Variants in MYOM2 observed in about 807,000 individuals in gnomAD.
MYOM2 encodes myomesin-2.
MYOM2 carries 254 observed loss-of-function variants against 187.6 expected under a neutral mutation model. The ratio of observed to expected loss-of-function variants is 1.35; its 90% CI spans 1.22 to 1.50. MYOM2 has a LOEUF of 1.50. Among genes scored for constraint, MYOM2 ranks in the 40% most tolerant of loss-of-function variants. The pLI, the probability that MYOM2 is intolerant of heterozygous loss-of-function variation, is 0.00. For missense variants in MYOM2, 2,796 were observed against 1,924.0 expected (o/e 1.45, Z -8.48); for synonymous variants, 981 against 753.8 (o/e 1.30, Z -4.94).
chr8:2,049,586 C>G (rs1455693458), intron 1 of MYOM2, among the ~76,000 whole-genome samples: 1 of 152,166 alleles, frequency 6.6e-6, no homozygotes, highest in Non-Finnish European at 1.5e-5. Context: ...GGGTGGCACC[C>G]CTGGGGCTGT....
In MYOM2 at chr8:2,141,125, A is replaced by C. The variant is rs201391453; in HGVS notation, c.3965-16A>C. ...ACACTGAAATGGTTAGTAACGTATG[A>C]ACTATTTCCTCACAGCTTTTGATGA... On this transcript the variant is annotated splice_polypyrimidine_tract_variant and intron_variant, in intron 33 of 36. Coordinates refer to ENST00000262113, the MANE Select transcript of MYOM2 (RefSeq NM_003970.4). The C allele has an allele frequency of 3.8e-4, 608 of 1,610,640 alleles. No individual in the cohort carries two copies. Among genetic ancestry groups the C allele is most frequent in the Non-Finnish European group, 4.4e-4 (516 of 1,177,478 alleles).
At chr8:2,091,016 C>CTTT (rs35873643) in intron 15 of MYOM2, among the ~76,000 whole-genome samples, 33,705 of 86,436 alleles carry the variant, frequency 0.39, 6,955 homozygotes, top group Non-Finnish European at 0.48. Context: ...AATGATAGTT[C>CTTT]TTTTTTTTTT....
At position 2,123,620 on chromosome 8, in the gene MYOM2, C is replaced by A; in HGVS notation, c.3633C>A (p.Ser1211=). 6.2e-7 allele frequency: 1 copy of A among 1,614,122 alleles called. No individual in the cohort carries two copies. Among genetic ancestry groups the A allele is most frequent in the Non-Finnish European group, 8.5e-7 (1 of 1,179,988 alleles). ...AAGATGACAGAGGCCAAGATGTGTC[C>A]ATCCTTGAAATAGCTGGCAAAGGTA... ...TLKDDRGQDV[S]ILEIAGKVYD... The change falls in exon 30 of 37, where the codon TCC becomes TCA. Residue 1211 remains serine, a synonymous_variant. Coordinates refer to ENST00000262113, the MANE Select transcript of MYOM2 (RefSeq NM_003970.4).
chr8:2,104,470 T>C lies in MYOM2; in HGVS notation c.2734+1689T>C, dbSNP rs534919613. 4.6e-5 allele frequency among the ~76,000 whole-genome samples: 7 copies of C among 151,828 alleles called. No individual in the cohort carries two copies. In the East Asian group the frequency reaches 1.4e-3, roughly 30 times the overall value. ...TACAAAAAGAATTAGCTGGGCATGG[T>C]GTTGGGCGCCTGTAGTCCCAGCTAC... On this transcript the variant is annotated intron_variant, in intron 21 of 36. Coordinates refer to ENST00000262113, the MANE Select transcript of MYOM2 (RefSeq NM_003970.4).
intron 16 of MYOM2, among the ~76,000 whole-genome samples, chr8:2,093,002 G>C (rs893876): frequency 6.6e-6 from 1 of 151,888 alleles, no homozygotes; most frequent in African/African-American, 2.4e-5. Flanking sequence ...GCTTTGCAGG[G>C]GAAAGCCAGT....
At chr8:2,133,132 C>G (rs957137624) in intron 32 of MYOM2, among the ~76,000 whole-genome samples, 2 of 149,868 alleles carry the variant, frequency 1.3e-5, no homozygotes, top group Admixed American at 6.6e-5. Flanking sequence ...TGCATGTGTT[C>G]TGATGTTCAC....
chr8:2,124,602 C>A (rs1243321321), intron 31 of MYOM2, among the ~76,000 whole-genome samples: 1 of 152,218 alleles, frequency 6.6e-6, no homozygotes, highest in Non-Finnish European at 1.5e-5. Context: ...CATATGTTAT[C>A]TTTACAAATA....
intron 28 of MYOM2, among the ~76,000 whole-genome samples, chr8:2,120,674 A>ATATATG (rs1231698093): frequency 9.1e-4 from 29 of 31,906 alleles, no homozygotes; most frequent in Admixed American, 2.7e-3. Flanking sequence ...ATATATATAT[A>ATATATG]TTATATTATA....
At chr8:2,047,607 G>A (rs1490451021) in intron 1 of MYOM2, among the ~76,000 whole-genome samples, 1 of 152,204 alleles carries the variant, frequency 6.6e-6, no homozygotes, top group Admixed American at 6.5e-5. Flanking sequence ...GGAATCAACT[G>A]AGGCTGATGG....
chr8:2,132,268 A>G (rs535806859), intron 32 of MYOM2, among the ~76,000 whole-genome samples: 14 of 152,280 alleles, frequency 9.2e-5, no homozygotes, highest in Middle Eastern at 3.4e-3. Flanking sequence ...CATGGAATCA[A>G]TAGAGTGCTA....
chr8:2,063,671 A>C (rs1818920931), intron 6 of MYOM2, among the ~76,000 whole-genome samples: 1 of 152,182 alleles, frequency 6.6e-6, no homozygotes, highest in South Asian at 2.1e-4. Flanking sequence ...TTAAATTATA[A>C]ATCCAGCGTC....
intron 13 of MYOM2, 118 bp downstream of exon 13, chr8:2,079,731 T>C: frequency 2.7e-6 from 3 of 1,119,456 alleles, no homozygotes; most frequent in South Asian, 1.2e-5. Flanking sequence ...CATGGAAAAA[T>C]GAAAACCGCA....
chr8:2,088,764 T>C lies in MYOM2; in HGVS notation c.1645-1244T>C, dbSNP rs1796184547. ...CTTCTGGTAGAATGGTTTATTTTCC[T>C]TTGGGCATATACCCAGTAATGGGAT... On this transcript the variant is annotated intron_variant, in intron 14 of 36. Transcript: ENST00000262113. Among the ~76,000 whole-genome samples, 2 of 152,250 alleles carry C rather than the reference T, an allele frequency of 1.3e-5. 1 individual carries two copies. Among genetic ancestry groups the C allele is most frequent in the South Asian group, 4.1e-4 (2 of 4,836 alleles).
chr8:2,113,038 A>C (rs190167288), intron 25 of MYOM2, among the ~76,000 whole-genome samples: 1 of 152,216 alleles, frequency 6.6e-6, no homozygotes, highest in African/African-American at 2.4e-5. Context: ...CTTTGCCCCA[A>C]TTCCAGCTGA....
intron 25 of MYOM2, among the ~76,000 whole-genome samples, chr8:2,111,620 T>C (rs1797070151): frequency 6.6e-6 from 1 of 152,170 alleles, no homozygotes. Flanking sequence ...TGTAAAGAAA[T>C]CCAAGGTCCA....
Position 2,107,494 on chromosome 8 carries a change from C to T in MYOM2, c.2998+897C>T, listed in dbSNP as rs190372940. 2.7e-3 allele frequency among the ~76,000 whole-genome samples: 406 copies of T among 152,192 alleles called. 2 individuals are homozygous for T. Among genetic ancestry groups the T allele is most frequent in the African/African-American group, 9.4e-3 (391 of 41,512 alleles). On this transcript the variant is annotated intron_variant, in intron 23 of 36. Coordinates refer to ENST00000262113, the MANE Select transcript of MYOM2 (RefSeq NM_003970.4). ...GCAGAGGCTGTGATCTGAGAACATC[C>T]GACCCAGGATCGGTGCTGTGGGCTG...
Position 2,085,370 on chromosome 8 carries a change from C to T in MYOM2, c.1624C>T (p.Leu542Phe). 2.5e-6 allele frequency: 4 copies of T among 1,612,878 alleles called. No homozygotes were observed. Among genetic ancestry groups the T allele is most frequent in the South Asian group, 1.1e-5 (1 of 91,056 alleles). ...EPPTPRGKDP[L>F]MYFIEKSVVG... The stretch of plus-strand genomic sequence containing the variant: ...ACCCACTCCCCGTGGCAAGGACCCG[C>T]TCATGTACTTCATTGAGAAGGTAAA... Residue 542 changes from leucine (L) to phenylalanine (F), a missense_variant, in exon 14 of 37, where the codon CTC becomes TTC. Leu to Phe is a conservative substitution (Grantham distance 22). Coordinates refer to ENST00000262113, the MANE Select transcript of MYOM2 (RefSeq NM_003970.4).
At chr8:2,123,388 A>AGAT (rs71270475) in intron 29 of MYOM2, 23 bp downstream of exon 29, 18 of 1,568,632 alleles carry the variant, frequency 1.1e-5, no homozygotes, top group South Asian at 2.3e-5. Flanking sequence ...GAGTAACACA[A>AGAT]GAAAGCAAAA....
At chr8:2,110,729 C>T (rs777409627) in intron 25 of MYOM2, among the ~76,000 whole-genome samples, 22 of 152,206 alleles carry the variant, frequency 1.4e-4, no homozygotes, top group Non-Finnish European at 2.5e-4. Flanking sequence ...CTCTCATGCT[C>T]CCGGGCAGCC....
Sources: gnomAD v4.1 joint callset for allele counts (sites outside exome capture counted in the v4.1 genomes callset) on GRCh38, gnomAD v4.1.1 for gene constraint, MANE v1.5 for transcripts, NCBI Gene and HGNC (gene_info 2026-07-23, HGNC 2026-07-21) for gene names.